SPIDR: variants seen among roughly 807,000 people sequenced by gnomAD.
The protein encoded by SPIDR is DNA repair-scaffolding protein.
SPIDR carries 93 observed loss-of-function variants against 104.6 expected under a neutral mutation model. The ratio of observed to expected loss-of-function variants is 0.89; its 90% CI spans 0.75 to 1.06. The LOEUF (loss-of-function observed/expected upper bound fraction) is 1.06, where lower values mean the gene tolerates loss of function less well. Ranked by LOEUF, SPIDR falls within the 50% of genes least tolerant of loss-of-function variation. The probability of loss-of-function intolerance (pLI) is 0.00; values close to 1 mark genes in which losing one functional copy is unlikely to be tolerated. For synonymous variants in SPIDR, 431 were observed against 416.9 expected, an observed-to-expected ratio of 1.03 and a Z score of -0.41; for missense variants, 1,154 against 1,111.2, an observed-to-expected ratio of 1.04 and a Z score of -0.55.
intron 7 of SPIDR, chr8:47,419,361 C>T (rs1301742608): frequency 6.6e-6 from 1 of 152,120 alleles, no homozygotes; most frequent in African/African-American, 2.4e-5. Context: ...GTGTATGTGT[C>T]CAGGAATTTA....
At position 47,729,031 on chromosome 8, in the gene SPIDR, G is replaced by A. The variant is rs750518395; in HGVS notation, c.2534G>A (p.Cys845Tyr). Reference protein sequence around the residue: ...VFLDCRSRPQCRVKVKLLQRS... With the variant: ...VFLDCRSRPQYRVKVKLLQRS... ...CTGGACTGCCGCTCAAGACCGCAGT[G>A]CAGAGTGAAGGTCAAGGTAGGAGCC... is the stretch of plus-strand genomic sequence containing the variant. The change falls in exon 18 of 20, where the codon TGC becomes TAC. Residue 845 changes from cysteine to tyrosine, a missense_variant. Coordinates refer to ENST00000297423, the MANE Select transcript of SPIDR (RefSeq NM_001080394.4). The A allele has an allele frequency of 5.6e-6, 9 of 1,613,828 alleles. No individual in the cohort carries two copies. The highest frequency in any genetic ancestry group is 7.6e-6 in the Non-Finnish European group (9 of 1,180,024).
At chr8:47,363,721 A>G (rs1187129355) in intron 5 of SPIDR, among the ~76,000 whole-genome samples, 2 of 152,170 alleles carry the variant, frequency 1.3e-5, no homozygotes. Flanking sequence ...TGCCATCCAT[A>G]GAACTGAACT....
intron 8 of SPIDR, among the ~76,000 whole-genome samples, chr8:47,563,154 C>T (rs1317732308): frequency 6.6e-6 from 1 of 151,552 alleles, no homozygotes; most frequent in African/African-American, 2.4e-5. Context: ...AGGGAGGCAG[C>T]TCAGATCACA....
chr8:47,713,226 C>A (rs2082118501), intron 15 of SPIDR: 1 of 601,626 alleles, frequency 1.7e-6, no homozygotes, highest in South Asian at 2.9e-5. Context: ...CCTCAGCTAT[C>A]TTTTTTAATT....
chr8:47,465,058 C>G (rs1248517733), intron 8 of SPIDR, among the ~76,000 whole-genome samples: 1 of 152,182 alleles, frequency 6.6e-6, no homozygotes, highest in African/African-American at 2.4e-5. Flanking sequence ...GCCACCGGGC[C>G]TGACCACTCA....
chr8:47,716,990 G>A (rs2082676312), intron 16 of SPIDR, among the ~76,000 whole-genome samples: 1 of 152,190 alleles, frequency 6.6e-6, no homozygotes, highest in Non-Finnish European at 1.5e-5. Context: ...ATGATTGGCA[G>A]GAAGAAGAGG....
chr8:47,692,473 T>C (rs1198717066), intron 11 of SPIDR, among the ~76,000 whole-genome samples: 3 of 151,352 alleles, frequency 2.0e-5, no homozygotes, highest in Non-Finnish European at 4.4e-5. Flanking sequence ...TGATGTAACA[T>C]GTATCAGAAT....
At chr8:47,450,280 A>C (rs952330371) in intron 8 of SPIDR, among the ~76,000 whole-genome samples, 28 of 152,198 alleles carry the variant, frequency 1.8e-4, no homozygotes, top group Admixed American at 5.2e-4. Context: ...AGAAGGTGAA[A>C]GGGCAAGAGA....
intron 16 of SPIDR, among the ~76,000 whole-genome samples, chr8:47,714,503 CTTTTT>C (rs1348527079): frequency 6.6e-6 from 1 of 152,140 alleles, no homozygotes; most frequent in Non-Finnish European, 1.5e-5. Flanking sequence ...ATTATTTTCT[CTTTTT>C]TAACTTTATA....
intron 9 of SPIDR, among the ~76,000 whole-genome samples, chr8:47,597,853 G>A (rs1184775200): frequency 6.6e-6 from 1 of 152,136 alleles, no homozygotes; most frequent in Non-Finnish European, 1.5e-5. Flanking sequence ...AGCACTGAAT[G>A]TTTGTGTGGC....
chr8:47,729,576 A>G, intron 19 of SPIDR, 111 bp downstream of exon 19: 1 of 1,248,060 alleles, frequency 8.0e-7, no homozygotes, highest in Non-Finnish European at 1.1e-6. Flanking sequence ...AACCCATCCC[A>G]CTAGGAAGTG....
chr8:47,704,411 C>T (rs2080774996), intron 14 of SPIDR, among the ~76,000 whole-genome samples: 1 of 152,176 alleles, frequency 6.6e-6, no homozygotes, highest in South Asian at 2.1e-4. Flanking sequence ...ATACACACAA[C>T]CAAACCCTGG....
intron 9 of SPIDR, among the ~76,000 whole-genome samples, chr8:47,596,856 CT>C (rs1010476175): frequency 3.9e-4 from 59 of 151,600 alleles, no homozygotes; most frequent in Non-Finnish European, 7.5e-4. Flanking sequence ...ACTTTTAAAA[CT>C]TTTTTTGTTG....
intron 7 of SPIDR, among the ~76,000 whole-genome samples, chr8:47,415,557 G>A (rs1210870458): frequency 3.3e-5 from 5 of 152,132 alleles, no homozygotes; most frequent in African/African-American, 1.2e-4. Flanking sequence ...AAAGTGATTA[G>A]GTCATGAGGT....
intron 10 of SPIDR, chr8:47,660,638 T>TGCGGCCTTATGAC: frequency 2.3e-6 from 1 of 429,420 alleles, no homozygotes; most frequent in Non-Finnish European, 3.1e-6. Context: ...GGTATTCTAA[T>TGCGGCCTTATGAC]GGTTATGTAT....
chr8:47,624,658 A>T (rs1166887871), intron 10 of SPIDR, among the ~76,000 whole-genome samples: 1 of 152,228 alleles, frequency 6.6e-6, no homozygotes, highest in African/African-American at 2.4e-5. Flanking sequence ...ACATTCCTCG[A>T]CACATACATC....
intron 7 of SPIDR, among the ~76,000 whole-genome samples, chr8:47,422,991 G>C (rs552542289): frequency 5.9e-5 from 9 of 152,076 alleles, no homozygotes; most frequent in Admixed American, 1.3e-4. Context: ...ACACTGAGAA[G>C]GTATTGAGTT....
chr8:47,589,336 T>C (rs1588120382), intron 8 of SPIDR, among the ~76,000 whole-genome samples: 1 of 151,822 alleles, frequency 6.6e-6, no homozygotes, highest in Non-Finnish European at 1.5e-5. Context: ...CTGGCTAGCA[T>C]GGTGAAACCC....
At chr8:47,413,567 G>T (rs2063817344) in intron 7 of SPIDR, among the ~76,000 whole-genome samples, 1 of 152,210 alleles carries the variant, frequency 6.6e-6, no homozygotes, top group South Asian at 2.1e-4. Flanking sequence ...GAATTTTGCT[G>T]ATGTTATTAT....
Sources: gnomAD v4.1 joint callset for allele counts (sites outside exome capture counted in the v4.1 genomes callset) on GRCh38, gnomAD v4.1.1 for gene constraint, MANE v1.5 for transcripts, NCBI Gene and HGNC (gene_info 2026-07-23, HGNC 2026-07-21) for gene names.